TAFA2: variants seen among roughly 807,000 people sequenced by gnomAD.
TAFA2 encodes the protein chemokine-like protein TAFA-2.
Under a neutral mutation model 18.8 loss-of-function variants are expected in TAFA2, and 7 were observed. The ratio of observed to expected loss-of-function variants is 0.37; its 90% CI spans 0.21 to 0.70. The LOEUF (loss-of-function observed/expected upper bound fraction) is 0.70, where lower values mean the gene tolerates loss of function less well. Ranked by LOEUF, TAFA2 falls within the 30% of genes least tolerant of loss-of-function variation. The pLI, the probability that TAFA2 is intolerant of heterozygous loss-of-function variation, is 0.53. For synonymous variants in TAFA2, 60 were observed against 54.2 expected, an observed-to-expected ratio of 1.11 and a Z score of -0.47; for missense variants, 122 against 158.1, an observed-to-expected ratio of 0.77 and a Z score of 1.23.
intron 2 of TAFA2, among the ~76,000 whole-genome samples, chr12:61,798,064 C>T (rs1299366361): frequency 2.0e-5 from 3 of 152,166 alleles, no homozygotes; most frequent in Non-Finnish European, 4.4e-5. Context: ...TATATAACCA[C>T]CATATAGATG....
At chr12:62,066,388 T>C (rs1882489443) in intron 1 of TAFA2, among the ~76,000 whole-genome samples, 1 of 151,864 alleles carries the variant, frequency 6.6e-6, no homozygotes, top group Non-Finnish European at 1.5e-5. Flanking sequence ...CTAGGTCTTA[T>C]TCATTCTTTC....
At chr12:62,142,028 A>G (rs2062244216) in intron 1 of TAFA2, among the ~76,000 whole-genome samples, 1 of 152,192 alleles carries the variant, frequency 6.6e-6, no homozygotes, top group Admixed American at 6.5e-5. Context: ...CGGTCTCCTC[A>G]CCATCCAACA....
chr12:62,188,101 G>T (rs1386019921), intron 1 of TAFA2, among the ~76,000 whole-genome samples: 2 of 152,128 alleles, frequency 1.3e-5, no homozygotes, highest in Non-Finnish European at 2.9e-5. Flanking sequence ...GCAGCAGGCT[G>T]TGTTAATGCA....
At chr12:62,023,031 G>T (rs1881196788) in intron 1 of TAFA2, among the ~76,000 whole-genome samples, 2 of 152,148 alleles carry the variant, frequency 1.3e-5, no homozygotes, top group Non-Finnish European at 1.5e-5. Context: ...AGTTTTGTGA[G>T]TTGATGTTCT....
At chr12:61,845,413 A>C (rs966308077) in intron 2 of TAFA2, among the ~76,000 whole-genome samples, 2 of 152,144 alleles carry the variant, frequency 1.3e-5, no homozygotes, top group Non-Finnish European at 2.9e-5. Flanking sequence ...GGTCACCCCC[A>C]AGTTCTGGTC....
intron 4 of TAFA2, among the ~76,000 whole-genome samples, chr12:61,734,729 C>CA (rs1868276432): frequency 1.3e-5 from 2 of 151,942 alleles, no homozygotes; most frequent in African/African-American, 4.8e-5. Context: ...TGCTTACTCA[C>CA]AATGTAACTT....
chr12:62,037,956 A>C (rs1047759312), intron 1 of TAFA2, among the ~76,000 whole-genome samples: 3 of 152,200 alleles, frequency 2.0e-5, no homozygotes, highest in Non-Finnish European at 2.9e-5. Flanking sequence ...AAAAACATCC[A>C]TATCCACATG....
chr12:61,767,787 T>G (rs2120828862), intron 2 of TAFA2, among the ~76,000 whole-genome samples: 1 of 152,178 alleles, frequency 6.6e-6, no homozygotes, highest in African/African-American at 2.4e-5. Context: ...AGCTCATTTT[T>G]TTTTTAGTTT....
At chr12:62,225,187 C>A (rs995384595) in intron 1 of TAFA2, among the ~76,000 whole-genome samples, 3 of 152,088 alleles carry the variant, frequency 2.0e-5, no homozygotes, top group African/African-American at 4.8e-5. Flanking sequence ...CAATATTAGA[C>A]AAACAGCTGG....
intron 1 of TAFA2, chr12:62,234,372 TCTTC>T (rs1422545089): frequency 7.9e-6 from 5 of 631,324 alleles, no homozygotes; most frequent in Non-Finnish European, 1.5e-5. Context: ...CCTAGAATCC[TCTTC>T]CTTCATTCAC....
At chr12:62,233,051 GCA>G (rs1490875189) in intron 1 of TAFA2, among the ~76,000 whole-genome samples, 1 of 120,330 alleles carries the variant, frequency 8.3e-6, no homozygotes, top group Non-Finnish European at 1.7e-5. Flanking sequence ...TGTCCTCCCA[GCA>G]ATTTCTGCAT....
chr12:62,023,888 T>C (rs1202394303), intron 1 of TAFA2: 1 of 152,222 alleles, frequency 6.6e-6, no homozygotes, highest in Admixed American at 6.5e-5. Context: ...CTGCACGTCA[T>C]CTTTATCCTC....
intron 2 of TAFA2, among the ~76,000 whole-genome samples, chr12:61,864,549 G>C (rs747880314): frequency 6.6e-6 from 1 of 151,154 alleles, no homozygotes; most frequent in Non-Finnish European, 1.5e-5. Flanking sequence ...CGAGGCGGGC[G>C]GATCACGAGG....
chr12:62,230,211 T>A (rs2062806393), intron 1 of TAFA2, among the ~76,000 whole-genome samples: 1 of 152,160 alleles, frequency 6.6e-6, no homozygotes, highest in African/African-American at 2.4e-5. Flanking sequence ...GTATTTTATT[T>A]CTTCTCTGAT....
At chr12:61,979,963 T>A (rs914918505) in intron 1 of TAFA2, among the ~76,000 whole-genome samples, 2 of 152,186 alleles carry the variant, frequency 1.3e-5, no homozygotes, top group African/African-American at 4.8e-5. Flanking sequence ...TTACCAGTGC[T>A]GTGTCCCATA....
rs114774599 is a variant in TAFA2 at position 62,021,600 on chromosome 12, C to T, written c.-1-154174G>A. 1,843 of 985,426 alleles carry T rather than the reference C, an allele frequency of 1.9e-3. 25 individuals carry two copies. The African/African-American group carries it at 0.026, about 14-fold the overall frequency. 61.0% of individuals were successfully genotyped at this position (985,426 alleles called of 1,614,324 possible). A position where few individuals can be genotyped will look rare whatever the true frequency, so the allele number is the denominator to read the frequency against. On this transcript the variant is annotated intron_variant, in intron 1 of 4. Transcript: ENST00000416284. ...TGGGGACTGGCTGGGTGACGGCAGG[C>T]GGTTCTGGCTTCCCACCCTTCTGTT...
At chr12:61,776,064 T>C in intron 2 of TAFA2, 1 of 430,356 alleles carries the variant, frequency 2.3e-6, no homozygotes, top group South Asian at 2.0e-5. Context: ...ATGGGTACTG[T>C]AAAAAGAAAT....
chr12:61,920,901 A>AAG (rs1877024470), intron 1 of TAFA2, among the ~76,000 whole-genome samples: 1 of 151,916 alleles, frequency 6.6e-6, no homozygotes, highest in Admixed American at 6.6e-5. Context: ...GCCCTTATGG[A>AAG]AGAGATTCAG....
At chr12:62,035,714 T>C (rs2136752115) in intron 1 of TAFA2, among the ~76,000 whole-genome samples, 1 of 142,786 alleles carries the variant, frequency 7.0e-6, no homozygotes, top group Admixed American at 7.0e-5. Flanking sequence ...CTATTGACGC[T>C]AGGGGTCAAT....
Sources: allele counts gnomAD v4.1 joint callset (sites outside exome capture counted in the v4.1 genomes callset), GRCh38; gene constraint gnomAD v4.1.1; transcripts MANE v1.5; gene names NCBI Gene and HGNC (gene_info 2026-07-23, HGNC 2026-07-21).